The following C10orf90 variants were observed in gnomAD, a reference collection of about 807,000 sequenced individuals.
C10orf90 encodes the protein chromosome 10 open reading frame 90.
A neutral mutation model predicts 62.5 loss-of-function variants in C10orf90; 56 were observed. The observed-to-expected ratio is 0.90, with a 90% confidence interval of 0.72 to 1.12. The LOEUF is 1.12. Ranked by LOEUF, C10orf90 falls within the 50% of genes most tolerant of loss-of-function variation. The pLI is 0.00. For missense variants in C10orf90, 970 were observed against 880.4 expected (o/e 1.10, Z -1.29); for synonymous variants, 386 against 340.4 (o/e 1.13, Z -1.47).
intron 3 of C10orf90, among the ~76,000 whole-genome samples, chr10:126,506,196 A>G (rs1322603424): frequency 6.6e-6 from 1 of 152,242 alleles, no homozygotes; most frequent in Non-Finnish European, 1.5e-5. Flanking sequence ...TCCTAACAGT[A>G]AATTGCTCAT....
At chr10:126,516,166 C>G (rs1376731064) in intron 2 of C10orf90, among the ~76,000 whole-genome samples, 3 of 152,174 alleles carry the variant, frequency 2.0e-5, no homozygotes, top group Middle Eastern at 3.2e-3. Context: ...GGCTGTGTAC[C>G]CTTTCTGAGT....
At chr10:126,452,385 C>T (rs1859255376) in intron 7 of C10orf90, among the ~76,000 whole-genome samples, 1 of 152,040 alleles carries the variant, frequency 6.6e-6, no homozygotes, top group Non-Finnish European at 1.5e-5. Context: ...GGTTTCCCAG[C>T]ATTTTTTAGA....
chr10:126,516,751 G>T (rs190140253), intron 2 of C10orf90, among the ~76,000 whole-genome samples: 7 of 152,172 alleles, frequency 4.6e-5, no homozygotes, highest in African/African-American at 1.4e-4. Context: ...GTATGCTCCA[G>T]TTCTAGAGTT....
chr10:126,472,262 A>G (rs1263261707), intron 4 of C10orf90, among the ~76,000 whole-genome samples: 1 of 152,250 alleles, frequency 6.6e-6, no homozygotes, highest in Non-Finnish European at 1.5e-5. Flanking sequence ...TATAAAAGCA[A>G]TAAATGATCA....
At chr10:126,485,595 C>A (rs745712725) in intron 4 of C10orf90, among the ~76,000 whole-genome samples, 1 of 151,994 alleles carries the variant, frequency 6.6e-6, no homozygotes, top group East Asian at 1.9e-4. Context: ...TTATTTCCTG[C>A]CATTTGGTAG....
chr10:126,510,698 A>T (rs564182329), intron 3 of C10orf90, among the ~76,000 whole-genome samples: 1 of 152,278 alleles, frequency 6.6e-6, no homozygotes, highest in African/African-American at 2.4e-5. Context: ...TAAGATATTG[A>T]TTTCTCTTAA....
rs1003890811 is a variant in C10orf90, at chr10:126,511,554, C to T, written c.405+2294G>A. ...CCTTTTCCCCATTCTCTGACAACCA[C>T]CAAGAATCGCTGTTTTTTTTTTTAA... On this transcript the variant is annotated intron_variant, in intron 3 of 9. Coordinates refer to ENST00000488181, the MANE Select transcript of C10orf90 (RefSeq NM_001350921.2). 2.0e-5 allele frequency among the ~76,000 whole-genome samples: 3 copies of T among 151,892 alleles called. No individual in the cohort carries two copies. The South Asian group carries it at 6.3e-4, about 32-fold the overall frequency.
At chr10:126,627,780 G>A (rs1038369284) in intron 2 of C10orf90, among the ~76,000 whole-genome samples, 3 of 152,172 alleles carry the variant, frequency 2.0e-5, no homozygotes, top group African/African-American at 7.2e-5. Flanking sequence ...TTTAGGCAGA[G>A]TCTTGCTATG....
chr10:126,504,569 C>A lies in C10orf90; in HGVS notation c.922G>T (p.Glu308Ter), dbSNP rs776342529. The change falls in exon 4 of 10, where the codon GAG becomes TAG. Residue 308 changes from glutamate to a stop codon, truncating the protein, a stop_gained. Coordinates refer to ENST00000488181, the MANE Select transcript of C10orf90 (RefSeq NM_001350921.2). LOFTEE classifies it high-confidence loss of function. This position sits in a 1 kb window ranked among gnomAD's most constrained non-coding sequence, Gnocchi z 4.1. ...NSSVVRLKVP[E>*]AHTGLCERRK... ...CTCTCACACAACCCAGTGTGGGCCT[C>A]GGGAACCTTCAGCCGCACCACGGAG... The A allele has an allele frequency of 6.2e-7, 1 of 1,614,084 alleles. No homozygotes were observed. The highest frequency in any genetic ancestry group is 8.5e-7 in the Non-Finnish European group (1 of 1,180,036).
intron 4 of C10orf90, among the ~76,000 whole-genome samples, chr10:126,498,083 A>C (rs1379173478): frequency 6.6e-6 from 1 of 152,234 alleles, no homozygotes; most frequent in African/African-American, 2.4e-5. Flanking sequence ...CCATGCACCC[A>C]ATTCATTAGG....
intron 7 of C10orf90, among the ~76,000 whole-genome samples, chr10:126,433,353 G>C (rs1857703219): frequency 6.6e-6 from 1 of 152,134 alleles, no homozygotes; most frequent in South Asian, 2.1e-4. Context: ...ACATCAGGAG[G>C]GAGTGGTCAG....
At chr10:126,657,142 T>A (rs901157270) in intron 1 of C10orf90, among the ~76,000 whole-genome samples, 6 of 144,700 alleles carry the variant, frequency 4.1e-5, no homozygotes, top group Admixed American at 4.0e-4. Flanking sequence ...ATTTTGAATG[T>A]TTTTTTTTAA....
At chr10:126,450,243 C>T (rs1859088116) in intron 7 of C10orf90, among the ~76,000 whole-genome samples, 2 of 152,194 alleles carry the variant, frequency 1.3e-5, no homozygotes, top group East Asian at 1.9e-4. Context: ...CACAGATTTG[C>T]AGAATATTGT....
chr10:126,487,976 G>T (rs963095448), intron 4 of C10orf90, among the ~76,000 whole-genome samples: 8 of 152,024 alleles, frequency 5.3e-5, no homozygotes, highest in African/African-American at 1.9e-4. Flanking sequence ...GCCTTGATGA[G>T]TTCACGTTAC....
chr10:126,628,523 G>A (rs979574413), intron 2 of C10orf90, among the ~76,000 whole-genome samples: 2 of 152,190 alleles, frequency 1.3e-5, no homozygotes, highest in Non-Finnish European at 2.9e-5. Context: ...TCAGCCCTCT[G>A]CTTGAGGTCT....
chr10:126,479,319 G>T (rs758847565), intron 4 of C10orf90, among the ~76,000 whole-genome samples: 2 of 152,188 alleles, frequency 1.3e-5, no homozygotes, highest in Middle Eastern at 6.3e-3. Flanking sequence ...TATCAGAAAA[G>T]ACCAGTCAAT....
At chr10:126,558,532 T>C (rs534475085) in intron 2 of C10orf90, among the ~76,000 whole-genome samples, 2 of 152,302 alleles carry the variant, frequency 1.3e-5, no homozygotes, top group East Asian at 3.9e-4. Flanking sequence ...AGTATGCTTG[T>C]TCTGCCTTTC....
intron 2 of C10orf90, among the ~76,000 whole-genome samples, chr10:126,539,385 T>C (rs1371610536): frequency 3.3e-5 from 5 of 152,194 alleles, no homozygotes; most frequent in African/African-American, 9.7e-5. Context: ...AGGATGTGTG[T>C]GAAAGGATTC....
chr10:126,571,266 T>G (rs913593974), intron 2 of C10orf90, among the ~76,000 whole-genome samples: 1 of 152,202 alleles, frequency 6.6e-6, no homozygotes, highest in African/African-American at 2.4e-5. Context: ...AATCATTCAT[T>G]CTTGACCCGG....
Sources: gnomAD v4.1 joint callset for allele counts (sites outside exome capture counted in the v4.1 genomes callset) on GRCh38, gnomAD v4.1.1 for gene constraint, Gnocchi (gnomAD v3.1) non-coding constraint, MANE v1.5 for transcripts, NCBI Gene and HGNC (gene_info 2026-07-23, HGNC 2026-07-21) for gene names.